The following TRAM2 variants were observed in gnomAD, a reference collection of about 807,000 sequenced individuals.
TRAM2 encodes the protein translocation associated membrane protein 2.
A neutral mutation model predicts 51.0 loss-of-function variants in TRAM2; 12 were observed. The ratio of observed to expected loss-of-function variants is 0.24; its 90% CI spans 0.15 to 0.38. The LOEUF is 0.38. Among genes scored for constraint, TRAM2 ranks in the 10% least tolerant of loss-of-function variants. The probability of loss-of-function intolerance (pLI) is 1.00; values close to 1 mark genes in which losing one functional copy is unlikely to be tolerated. For synonymous variants in TRAM2, 175 were observed against 179.4 expected, an observed-to-expected ratio of 0.98 and a Z score of 0.20; for missense variants, 361 against 462.0, an observed-to-expected ratio of 0.78 and a Z score of 2.00.
chr6:52,542,919 T>C (rs1254224526), intron 1 of TRAM2, among the ~76,000 whole-genome samples: 1 of 152,188 alleles, frequency 6.6e-6, no homozygotes, highest in Non-Finnish European at 1.5e-5. Context: ...TGCCATAATA[T>C]ACATCCCCAA....
rs910596869 is a variant in TRAM2, at chr6:52,509,652, C to T, written c.412-66G>A. Reference sequence around the variant, plus strand: ...GTGAGACCTGCTGGGGCCCTGGGACCGGTCCAGGGGTCAGGGATGCATCCA... The same window carrying T: ...GTGAGACCTGCTGGGGCCCTGGGACTGGTCCAGGGGTCAGGGATGCATCCA... On this transcript the variant is annotated intron_variant, in intron 4 of 10. Coordinates refer to ENST00000182527, the MANE Select transcript of TRAM2 (RefSeq NM_012288.4). 130 of 1,507,162 alleles carry T rather than the reference C, an allele frequency of 8.6e-5. 1 individual carries two copies. The highest frequency in any genetic ancestry group is 6.9e-4 in the Middle Eastern group (4 of 5,834). 93.4% of individuals were successfully genotyped at this position (1,507,162 alleles called of 1,614,324 possible).
intron 1 of TRAM2, 87 bp downstream of exon 1, chr6:52,576,709 G>C (rs1767772805): frequency 3.9e-6 from 6 of 1,521,924 alleles, no homozygotes; most frequent in Middle Eastern, 1.7e-4. Context: ...TCCGATCAGA[G>C]GAGGGCCCGC....
chr6:52,562,716 C>G (rs1221001243), intron 1 of TRAM2, among the ~76,000 whole-genome samples: 2 of 152,144 alleles, frequency 1.3e-5, no homozygotes, highest in Admixed American at 6.5e-5. Context: ...CTTAGCCCCC[C>G]ACCCCACCAC....
chr6:52,559,385 A>G (rs940782412), intron 1 of TRAM2, among the ~76,000 whole-genome samples: 1 of 152,178 alleles, frequency 6.6e-6, no homozygotes, highest in African/African-American at 2.4e-5. Flanking sequence ...TTTAAAATAG[A>G]GTAAAGGACT....
At chr6:52,515,912 G>C in intron 4 of TRAM2, 94 bp downstream of exon 4, 1 of 1,042,682 alleles carries the variant, frequency 9.6e-7, no homozygotes, top group Non-Finnish European at 1.5e-6. Flanking sequence ...AAAAGAGCAA[G>C]GGGTCCTTTG....
intron 1 of TRAM2, among the ~76,000 whole-genome samples, chr6:52,573,496 A>G (rs978422484): frequency 1.3e-5 from 2 of 152,172 alleles, no homozygotes; most frequent in African/African-American, 4.8e-5. Flanking sequence ...GTGGCTGCAC[A>G]GAGCAGCTTC....
intron 4 of TRAM2, among the ~76,000 whole-genome samples, chr6:52,512,063 C>A (rs1295321894): frequency 1.3e-5 from 2 of 152,158 alleles, no homozygotes; most frequent in Non-Finnish European, 2.9e-5. Context: ...TCTCCTGCCC[C>A]AGGCTACCTC....
chr6:52,540,926 AGAGT>A (rs1374689416), intron 1 of TRAM2, among the ~76,000 whole-genome samples: 1 of 152,224 alleles, frequency 6.6e-6, no homozygotes, highest in African/African-American at 2.4e-5. Flanking sequence ...AGAGAAAGAG[AGAGT>A]GAGAAAGAGA....
At position 52,508,326 on chromosome 6, in the gene TRAM2, C is replaced by A; in HGVS notation, c.471-8G>T. The A allele has an allele frequency of 2.5e-6, 4 of 1,613,246 alleles. No homozygotes were observed. Among genetic ancestry groups the A allele is most frequent in the Non-Finnish European group, 3.4e-6 (4 of 1,179,882 alleles). ...AAAAACTTCACCTGGAAGCTGGAGA[C>A]AAGGGGGCAAGTCACACGGGCAGGA... On this transcript the variant is annotated splice_region_variant and splice_polypyrimidine_tract_variant and intron_variant, in intron 5 of 10. Coordinates refer to ENST00000182527, the MANE Select transcript of TRAM2 (RefSeq NM_012288.4).
At chr6:52,576,147 G>A (rs1022712838) in intron 1 of TRAM2, among the ~76,000 whole-genome samples, 2 of 152,124 alleles carry the variant, frequency 1.3e-5, no homozygotes, top group Middle Eastern at 3.2e-3. Flanking sequence ...GCCGCAGATG[G>A]ATCTAAAGGG....
rs1409988305 is a variant in TRAM2 at position 52,503,337 on chromosome 6, T to C, written c.1040-67A>G. ...GGAGCTAAGGCAGAAGAGGGGAGGG[T>C]GGGGCCAGGCCAAGGAAGGGGCCCG... On this transcript the variant is annotated intron_variant, in intron 10 of 10. Coordinates refer to ENST00000182527, the MANE Select transcript of TRAM2 (RefSeq NM_012288.4). 2.2e-5 allele frequency: 32 copies of C among 1,478,504 alleles called. No individual in the cohort carries two copies. In the East Asian group the frequency reaches 6.8e-4, roughly 31 times the overall value. The allele number at this position is 1,478,504 out of a possible 1,614,324, so 91.6% of individuals were successfully genotyped here. A position where few individuals can be genotyped will look rare whatever the true frequency, so the allele number is the denominator to read the frequency against.
At chr6:52,543,694 G>A (rs79350994) in intron 1 of TRAM2, among the ~76,000 whole-genome samples, 12,330 of 152,092 alleles carry the variant, frequency 0.081, 725 homozygotes, top group Non-Finnish European at 0.12. Flanking sequence ...AGATGTTTTC[G>A]CTCCGTAAGA....
intron 1 of TRAM2, among the ~76,000 whole-genome samples, chr6:52,542,361 G>A (rs2076634): frequency 0.098 from 14,875 of 151,604 alleles, 1,332 homozygotes; most frequent in East Asian, 0.49. Context: ...GTATGTGGTC[G>A]GGGTGTGATG....
At chr6:52,515,528 G>A (rs1425232582) in intron 4 of TRAM2, among the ~76,000 whole-genome samples, 2 of 152,234 alleles carry the variant, frequency 1.3e-5, no homozygotes, top group Non-Finnish European at 1.5e-5. Context: ...CAGAGAGTAA[G>A]CTGGGCTTGG....
intron 9 of TRAM2, among the ~76,000 whole-genome samples, chr6:52,505,105 G>A (rs1405866551): frequency 6.6e-6 from 1 of 152,200 alleles, no homozygotes; most frequent in Non-Finnish European, 1.5e-5. Flanking sequence ...ACAAATATTG[G>A]TAGCATTCAA....
intron 1 of TRAM2, among the ~76,000 whole-genome samples, chr6:52,547,289 G>A (rs563711815): frequency 2.0e-4 from 30 of 152,242 alleles, no homozygotes; most frequent in African/African-American, 5.1e-4. Context: ...CCAATCCAAC[G>A]GGTATTTCTT....
intron 4 of TRAM2, among the ~76,000 whole-genome samples, chr6:52,514,882 C>T (rs181403311): frequency 1.3e-5 from 2 of 152,326 alleles, no homozygotes. Context: ...GCACTGTTCA[C>T]ACAGTGTCAA....
chr6:52,545,229 C>CA (rs1358127370), intron 1 of TRAM2, among the ~76,000 whole-genome samples: 1 of 152,180 alleles, frequency 6.6e-6, no homozygotes, highest in Non-Finnish European at 1.5e-5. Context: ...AGCTGGGTCT[C>CA]AGAGGTTGAC....
At chr6:52,507,757 GAGTCCCAC>G in intron 6 of TRAM2, 134 bp from the exon 7 acceptor site, 1 of 750,092 alleles carries the variant, frequency 1.3e-6, no homozygotes, top group Non-Finnish European at 2.2e-6. Flanking sequence ...CATGTCCCAC[GAGTCCCAC>G]AGTCCCACTG....
Sources: gnomAD v4.1 joint callset for allele counts (sites outside exome capture counted in the v4.1 genomes callset) on GRCh38, gnomAD v4.1.1 for gene constraint, MANE v1.5 for transcripts, NCBI Gene and HGNC (gene_info 2026-07-23, HGNC 2026-07-21) for gene names.